ENOX2: variants seen among roughly 807,000 people sequenced by gnomAD.
The protein encoded by ENOX2 is ecto-NOX disulfide-thiol exchanger 2, also known as APK1 antigen.
In ENOX2, 36 loss-of-function variants were observed where a neutral mutation model predicts 45.0. That is an observed-to-expected ratio of 0.80 (90% CI 0.61 to 1.06). ENOX2 has a LOEUF of 1.06. Among genes scored for constraint, ENOX2 ranks in the 50% least tolerant of loss-of-function variants. ENOX2 has a pLI of 0.00. For synonymous variants in ENOX2, 174 were observed against 152.3 expected (o/e 1.14, Z -1.05); for missense variants, 423 against 462.5 (o/e 0.91, Z 0.78).
chrX:130,780,389 G>C (rs1439840292), intron 3 of ENOX2, among the ~76,000 whole-genome samples: 1 of 111,811 alleles, frequency 8.9e-6, no homozygotes, highest in African/African-American at 3.3e-5. Flanking sequence ...ATAGACTTTG[G>C]AGTTAGAGGC....
chrX:130,690,938 A>C (rs895746422), intron 4 of ENOX2, among the ~76,000 whole-genome samples: 1 of 111,278 alleles, frequency 9.0e-6, no homozygotes, highest in African/African-American at 3.3e-5. Context: ...GAAGAAAAAA[A>C]TTCTCCCAAG....
intron 10 of ENOX2, among the ~76,000 whole-genome samples, chrX:130,640,817 C>A (rs773443917): frequency 7.2e-5 from 8 of 111,337 alleles, no homozygotes; most frequent in Non-Finnish European, 1.3e-4. Flanking sequence ...GGCTTACTAC[C>A]TAGGTGATGG....
intron 2 of ENOX2, among the ~76,000 whole-genome samples, chrX:130,877,927 C>T (rs190091676): frequency 3.7e-4 from 41 of 111,968 alleles, no homozygotes; most frequent in African/African-American, 1.3e-3. Flanking sequence ...GTAGTGCTGG[C>T]TGACTTATCC....
chrX:130,774,587 C>T (rs778448082), intron 3 of ENOX2, among the ~76,000 whole-genome samples: 2 of 111,878 alleles, frequency 1.8e-5, no homozygotes, highest in Non-Finnish European at 3.8e-5. Flanking sequence ...AGTAGTAAAA[C>T]GGTATTTTAA....
intron 4 of ENOX2, among the ~76,000 whole-genome samples, chrX:130,695,529 T>G (rs1477957490): frequency 1.8e-5 from 2 of 111,448 alleles, no homozygotes; most frequent in Non-Finnish European, 3.8e-5. Context: ...TCCAATCTTT[T>G]AGGTGTTCCA....
At chrX:130,893,933 T>C (rs1239684894) in intron 2 of ENOX2, among the ~76,000 whole-genome samples, 1 of 112,216 alleles carries the variant, frequency 8.9e-6, no homozygotes, top group African/African-American at 3.2e-5. Flanking sequence ...AGAATGCTTT[T>C]GAAATGAAGC....
At chrX:130,888,352 G>A (rs781505296) in intron 2 of ENOX2, among the ~76,000 whole-genome samples, 1 of 111,887 alleles carries the variant, frequency 8.9e-6, no homozygotes, top group East Asian at 2.8e-4. Flanking sequence ...AGTGTCTTTG[G>A]GAGGAAACAT....
rs1017216525 is a variant in ENOX2, at chrX:130,855,127, T to C, written c.-183+46557A>G. Among the ~76,000 whole-genome samples the C allele has an allele frequency of 2.5e-4, 28 of 111,592 alleles. No individual in the cohort carries two copies. In the Admixed American group the frequency reaches 2.7e-3, roughly 11 times the overall value. ...AAAGGAAGAAATAAAGTTCACTCTA[T>C]TTGCAGGTGACATGAGGGTCTATGT... On this transcript the variant is annotated intron_variant, in intron 2 of 14. Coordinates refer to ENST00000394363, the MANE Select transcript of ENOX2 (RefSeq NM_006375.4).
chrX:130,653,151 C>G (rs1344444555), intron 10 of ENOX2, among the ~76,000 whole-genome samples: 1 of 111,509 alleles, frequency 9.0e-6, no homozygotes, highest in Non-Finnish European at 1.9e-5. Flanking sequence ...GAAAATGACT[C>G]CTAGCATCTT....
intron 3 of ENOX2, among the ~76,000 whole-genome samples, chrX:130,763,777 T>C (rs1241704519): frequency 9.0e-6 from 1 of 111,183 alleles, no homozygotes; most frequent in African/African-American, 3.3e-5. Flanking sequence ...TGGAGACCCC[T>C]GGCAGAAGTG....
chrX:130,812,958 C>T (rs2148451069), intron 2 of ENOX2, among the ~76,000 whole-genome samples: 1 of 112,038 alleles, frequency 8.9e-6, no homozygotes, highest in Non-Finnish European at 1.9e-5. Context: ...ATCTGAAATT[C>T]TGAAATCTAA....
intron 3 of ENOX2, among the ~76,000 whole-genome samples, chrX:130,769,812 CATAA>C (rs2148370026): frequency 8.9e-6 from 1 of 112,368 alleles, no homozygotes; most frequent in African/African-American, 3.2e-5. Flanking sequence ...AAATGGCTTG[CATAA>C]ATAGGCTAAA....
intron 4 of ENOX2, among the ~76,000 whole-genome samples, chrX:130,697,722 T>C (rs893632312): frequency 2.7e-5 from 3 of 112,164 alleles, no homozygotes; most frequent in Non-Finnish European, 5.6e-5. Context: ...AATGAATGAA[T>C]AAGCAAATAG....
intron 3 of ENOX2, among the ~76,000 whole-genome samples, chrX:130,713,146 G>A (rs2038236845): frequency 8.9e-6 from 1 of 111,953 alleles, no homozygotes; most frequent in Non-Finnish European, 1.9e-5. Flanking sequence ...TTTAACCACT[G>A]GGCTATATAC....
intron 11 of ENOX2, 96 bp downstream of exon 11, chrX:130,637,133 T>A (rs985084747): frequency 1.5e-6 from 1 of 670,878 alleles, no homozygotes; most frequent in African/African-American, 2.2e-5. Flanking sequence ...AGAAGAATAA[T>A]AGGTTTGATA....
chrX:130,799,617 A>C (rs1293430858), intron 2 of ENOX2, among the ~76,000 whole-genome samples: 3 of 112,167 alleles, frequency 2.7e-5, no homozygotes, highest in African/African-American at 9.7e-5. Flanking sequence ...ACCTTGGGTG[A>C]GTAATTCTTT....
chrX:130,717,875 C>T (rs1303483841), intron 3 of ENOX2, among the ~76,000 whole-genome samples: 2 of 111,878 alleles, frequency 1.8e-5, no homozygotes, highest in African/African-American at 3.3e-5. Flanking sequence ...AGATAACCAC[C>T]GTTTTCAATT....
intron 3 of ENOX2, among the ~76,000 whole-genome samples, chrX:130,756,352 T>C (rs1227034427): frequency 1.8e-5 from 2 of 112,190 alleles, no homozygotes; most frequent in Non-Finnish European, 3.8e-5. Context: ...ATGGCTATTG[T>C]ATGTTTTTTG....
At chrX:130,710,276 T>A (rs1382507585) in intron 3 of ENOX2, among the ~76,000 whole-genome samples, 1 of 111,987 alleles carries the variant, frequency 8.9e-6, no homozygotes, top group Non-Finnish European at 1.9e-5. Flanking sequence ...CCAGGCAGTC[T>A]GGCTTCAAAA....
Sources: allele counts gnomAD v4.1 joint callset (sites outside exome capture counted in the v4.1 genomes callset), GRCh38; gene constraint gnomAD v4.1.1; transcripts MANE v1.5; gene names NCBI Gene and HGNC (gene_info 2026-07-23, HGNC 2026-07-21).